The following CUL4B variants were observed in gnomAD, a reference collection of about 807,000 sequenced individuals.
CUL4B encodes the protein cullin-4B.
CUL4B carries 1 observed loss-of-function variant against 69.2 expected under a neutral mutation model. The ratio of observed to expected loss-of-function variants is 0.01; its 90% CI spans 0.01 to 0.07. The LOEUF (loss-of-function observed/expected upper bound fraction) is 0.07, where lower values mean the gene tolerates loss of function less well. Ranked by LOEUF, CUL4B falls within the 10% of genes least tolerant of loss-of-function variation. The pLI is 1.00. For missense variants in CUL4B, 328 were observed against 638.8 expected (o/e 0.51, Z 5.24); for synonymous variants, 237 against 223.2 (o/e 1.06, Z -0.55).
At chrX:120,550,533 C>T (rs1349361471) in intron 2 of CUL4B, among the ~76,000 whole-genome samples, 1 of 111,334 alleles carries the variant, frequency 9.0e-6, no homozygotes, top group Admixed American at 9.6e-5. Context: ...GGGACAGAGT[C>T]CCAAAGACCC....
At chrX:120,541,045 C>G (rs866982930) in intron 10 of CUL4B, among the ~76,000 whole-genome samples, 1 of 112,385 alleles carries the variant, frequency 8.9e-6, no homozygotes, top group South Asian at 3.6e-4. Context: ...ATTTGGGGTT[C>G]AAAGTCTTTT....
rs186795599 is a variant in CUL4B, at chrX:120,543,354, A to G, written c.1257-321T>C. ...GCTACTTTTATTAGGAAGGTAAAGA[A>G]GTACTACATACAGAGGCCCCTCGAC... On this transcript the variant is annotated intron_variant, in intron 8 of 19. Transcript: ENST00000371322. Among the ~76,000 whole-genome samples the G allele has an allele frequency of 2.7e-5, 3 of 111,531 alleles. No homozygotes were observed. The East Asian group carries it at 8.4e-4, about 31-fold the overall frequency.
Position 120,560,436 on chromosome X carries a change from G to C in CUL4B, c.203C>G (p.Pro68Arg). Residue 68 changes from proline (P) to arginine (R), a missense_variant, in exon 1 of 20, where the codon CCT (proline) becomes CGT (arginine). Transcript: ENST00000371322. The stretch of plus-strand genomic sequence containing the variant: ...TGCCGAATCCCTGGGTTGTAAAGGA[G>C]GAGTGGAAGAGGAGGAAGAGGTGGA... ...FDSTSSSSST[P>R]PLQPRDSASP... The C allele has an allele frequency of 8.3e-7, 1 of 1,210,858 alleles. No homozygotes were observed. Among genetic ancestry groups the C allele is most frequent in the Non-Finnish European group, 1.1e-6 (1 of 894,799 alleles).
At chrX:120,540,233 C>T (rs1923910738) in intron 11 of CUL4B, 137 bp downstream of exon 11, 2 of 551,066 alleles carry the variant, frequency 3.6e-6, no homozygotes, top group Admixed American at 6.3e-5. Flanking sequence ...AAACACTCTT[C>T]AAACTTGATA....
chrX:120,557,254 T>C (rs1019038144), intron 2 of CUL4B, among the ~76,000 whole-genome samples: 1 of 111,539 alleles, frequency 9.0e-6, no homozygotes, highest in Non-Finnish European at 1.9e-5. Context: ...CTAATGAAAG[T>C]AACTTCTTGA....
Position 120,574,631 on chromosome X carries a change from C to A in CUL4B, c.-13-1G>T, listed in dbSNP as rs751516894. 1 of 1,179,408 alleles carries A rather than the reference C, an allele frequency of 8.5e-7. No individual in the cohort carries two copies. The highest frequency in any genetic ancestry group is 3.0e-5 in the East Asian group (1 of 33,734). Reference sequence around the variant, plus strand: ...CTGTGACATCATCCGTCCTTTGGGTCTACGATAGAAAACAGAGAATTCACT... The same window carrying A: ...CTGTGACATCATCCGTCCTTTGGGTATACGATAGAAAACAGAGAATTCACT... On this transcript the variant is annotated splice_acceptor_variant, in intron 1 of 2. Coordinates refer to the CUL4B transcript ENST00000486604. LOFTEE classifies it low-confidence loss of function (5UTR_SPLICE).
In CUL4B at chrX:120,525,690, A is replaced by C. The variant is rs895178178; in HGVS notation, c.*1071T>G. On this transcript the variant is annotated 3_prime_UTR_variant, in exon 20 of 20. Coordinates refer to ENST00000371322, the MANE Select transcript of CUL4B (RefSeq NM_001079872.2). ...TTGTATCTAGGGTTTTAGCAAGTTA[A>C]AATGAAGATGACAGGAAAGGCTTAT... The C allele has an allele frequency of 4.5e-5, 5 of 111,072 alleles. No homozygotes were observed. The highest frequency in any genetic ancestry group is 9.4e-5 in the Non-Finnish European group (5 of 52,997). The allele number at this position is 111,072 out of a possible 1,213,427, so 9.2% of individuals were successfully genotyped here. A position where few individuals can be genotyped will look rare whatever the true frequency, so the allele number is the denominator to read the frequency against.
At chrX:120,531,457 TTTTG>T (rs1362657060) in intron 18 of CUL4B, among the ~76,000 whole-genome samples, 2 of 108,843 alleles carry the variant, frequency 1.8e-5, no homozygotes, top group East Asian at 5.8e-4. Flanking sequence ...CCTTCCCTGT[TTTTG>T]TTTTTTTTTT....
upstream of CUL4B, chrX:120,561,072 C>A: frequency 1.0e-6 from 1 of 1,004,010 alleles, no homozygotes; most frequent in South Asian, 2.7e-5. Context: ...GTCAATAGCA[C>A]AAGAGGCTAA....
chrX:120,554,690 A>T lies in CUL4B; in HGVS notation c.672+3234T>A, dbSNP rs181090615. The stretch of plus-strand genomic sequence containing the variant: ...GCAGAAGTAAGTTCTAAGCAGATAT[A>T]TGCCAGTAAGTGTTTACCTCAGAGA... On this transcript the variant is annotated intron_variant, in intron 2 of 19. Transcript: ENST00000371322. 3.2e-3 allele frequency among the ~76,000 whole-genome samples: 365 copies of T among 112,431 alleles called. 1 individual carries two copies. Among genetic ancestry groups the T allele is most frequent in the African/African-American group, 0.011 (355 of 31,006 alleles).
intron 17 of CUL4B, among the ~76,000 whole-genome samples, chrX:120,533,174 T>G (rs1446141198): frequency 8.9e-6 from 1 of 112,136 alleles, no homozygotes; most frequent in Non-Finnish European, 1.9e-5. Flanking sequence ...ACATAATAGC[T>G]AGCCGCTGCT....
chrX:120,548,746 A>C lies in CUL4B; in HGVS notation c.673-1507T>G, dbSNP rs763311316. Among the ~76,000 whole-genome samples, 5 of 110,695 alleles carry C rather than the reference A, an allele frequency of 4.5e-5. No individual in the cohort carries two copies. The East Asian group carries it at 1.4e-3, about 32-fold the overall frequency. On this transcript the variant is annotated intron_variant, in intron 2 of 19. Coordinates refer to ENST00000371322, the MANE Select transcript of CUL4B (RefSeq NM_001079872.2). ...CTACTCAGGAGGCTGAGGCAGGAGA[A>C]TTGCTTGAACCCAGGAGGTGGAGGG...
At chrX:120,554,238 A>G (rs936677512) in intron 2 of CUL4B, among the ~76,000 whole-genome samples, 4 of 112,397 alleles carry the variant, frequency 3.6e-5, no homozygotes, top group African/African-American at 1.3e-4. Context: ...CCTACCATAT[A>G]GGTAGCCGTT....
rs183078048 is a variant in CUL4B at position 120,549,359 on chromosome X, C to T, written c.673-2120G>A. On this transcript the variant is annotated intron_variant, in intron 2 of 19. Coordinates refer to ENST00000371322, the MANE Select transcript of CUL4B (RefSeq NM_001079872.2). ...ATGAGGTCTGGAGTTCGAGACCACT[C>T]TGACCAACATAGTGAAACCCTGTCT... Among the ~76,000 whole-genome samples the T allele has an allele frequency of 4.0e-3, 448 of 111,966 alleles. 4 individuals carry two copies. Among genetic ancestry groups the T allele is most frequent in the African/African-American group, 0.014 (432 of 30,812 alleles).
intron 2 of CUL4B, among the ~76,000 whole-genome samples, chrX:120,556,558 G>C (rs190021180): frequency 9.0e-6 from 1 of 110,642 alleles, no homozygotes; most frequent in African/African-American, 3.3e-5. Flanking sequence ...TGAGAGTGAC[G>C]GCTGGGTTTG....
chrX:120,535,821 TC>T lies in CUL4B; in HGVS notation c.2160+8del. On this transcript the variant is annotated splice_region_variant and intron_variant, in intron 16 of 19. Coordinates refer to ENST00000371322, the MANE Select transcript of CUL4B (RefSeq NM_001079872.2). ...ATGAAAACTAAAAGTTTTGGGAACATCCACTTACCTCTTTAAATTCTGCTTT... is the reference window on the plus strand; with the variant it reads ...ATGAAAACTAAAAGTTTTGGGAACATCACTTACCTCTTTAAATTCTGCTTT... 9.1e-7 allele frequency: 1 copy of T among 1,102,323 alleles called. No individual in the cohort carries two copies. The highest frequency in any genetic ancestry group is 1.3e-6 in the Non-Finnish European group (1 of 799,179). The allele number at this position is 1,102,323 out of a possible 1,213,427, so 90.8% of individuals were successfully genotyped here.
intron 8 of CUL4B, 58 bp downstream of exon 8, chrX:120,543,669 G>T: frequency 1.2e-6 from 1 of 822,380 alleles, no homozygotes; most frequent in Non-Finnish European, 1.8e-6. Context: ...GATGGCTAAA[G>T]TGCTGCAAGT....
At chrX:120,537,077 T>C (rs1279691805) in intron 14 of CUL4B, 43 bp from the exon 15 acceptor site, 3 of 888,551 alleles carry the variant, frequency 3.4e-6, no homozygotes, top group African/African-American at 2.0e-5. Context: ...TAAAACTGCA[T>C]ACATTTCATA....
At chrX:120,541,154 C>T (rs1178958319) in intron 10 of CUL4B, among the ~76,000 whole-genome samples, 1 of 112,573 alleles carries the variant, frequency 8.9e-6, no homozygotes, top group Admixed American at 9.4e-5. Flanking sequence ...CTCAGGTTGA[C>T]TGTTCTCAAA....
Sources: allele counts gnomAD v4.1 joint callset (sites outside exome capture counted in the v4.1 genomes callset), GRCh38; gene constraint gnomAD v4.1.1; transcripts MANE v1.5; gene names NCBI Gene and HGNC (gene_info 2026-07-23, HGNC 2026-07-21).